The following PEAK1 variants were observed in gnomAD, a reference collection of about 807,000 sequenced individuals.
PEAK1 encodes pseudopodium enriched atypical kinase 1.
PEAK1 carries 54 observed loss-of-function variants against 124.7 expected under a neutral mutation model. That is an observed-to-expected ratio of 0.43 (90% CI 0.35 to 0.54). The LOEUF is 0.54. Among genes scored for constraint, PEAK1 ranks in the 20% least tolerant of loss-of-function variants. The pLI, the probability that PEAK1 is intolerant of heterozygous loss-of-function variation, is 0.01. For synonymous variants in PEAK1, 719 were observed against 760.0 expected (o/e 0.95, Z 0.89); for missense variants, 2,046 against 2,134.5 (o/e 0.96, Z 0.82).
intron 5 of PEAK1, among the ~76,000 whole-genome samples, chr15:77,272,490 C>T (rs2203387): frequency 1 from 152,213 of 152,298 alleles, 76,064 homozygotes; most frequent in Middle Eastern, 1. Flanking sequence ...CACCTCTATG[C>T]GCATGAACTA....
At chr15:77,271,484 T>C (rs971608885) in intron 5 of PEAK1, among the ~76,000 whole-genome samples, 7 of 152,188 alleles carry the variant, frequency 4.6e-5, no homozygotes, top group Non-Finnish European at 1.0e-4. Flanking sequence ...TGCATATGTA[T>C]GCTTATTGTG....
intron 2 of PEAK1, among the ~76,000 whole-genome samples, chr15:77,316,175 GT>G (rs1319904430): frequency 6.6e-6 from 1 of 151,940 alleles, no homozygotes; most frequent in East Asian, 1.9e-4. Context: ...TATCAGTTTT[GT>G]TTTTCTTTAC....
At chr15:77,397,674 G>C (rs1310539103) in intron 1 of PEAK1, among the ~76,000 whole-genome samples, 2 of 152,072 alleles carry the variant, frequency 1.3e-5, no homozygotes, top group Non-Finnish European at 2.9e-5. Flanking sequence ...TCAATAAATT[G>C]GAAAACCTAG....
At chr15:77,160,369 A>C (rs905023866) in intron 7 of PEAK1, among the ~76,000 whole-genome samples, 2 of 152,196 alleles carry the variant, frequency 1.3e-5, no homozygotes, top group African/African-American at 4.8e-5. Context: ...CAATAAATAT[A>C]AAGTCCCTTA....
Position 77,408,062 on chromosome 15 carries a change from T to A in PEAK1, c.-666+11944A>T, listed in dbSNP as rs1361884745. On this transcript the variant is annotated intron_variant, in intron 1 of 9. Coordinates refer to ENST00000682557, the MANE Select transcript of PEAK1 (RefSeq NM_001385026.1). ...ACATATATACACATACATGCATAGA[T>A]ACACATATATACATATATACACATA... Among the ~76,000 whole-genome samples, 4 of 127,514 alleles carry A rather than the reference T, an allele frequency of 3.1e-5. No individual in the cohort carries two copies. In the South Asian group the frequency reaches 9.3e-4, roughly 30 times the overall value. 83.7% of individuals were successfully genotyped at this position (127,514 alleles called of 152,430 possible). A position where few individuals can be genotyped will look rare whatever the true frequency, so the allele number is the denominator to read the frequency against.
rs1299248880 is a variant in PEAK1 at position 77,109,363 on chromosome 15, T to TA, written c.*4792dup. On this transcript the variant is annotated 3_prime_UTR_variant, in exon 10 of 10. Transcript: ENST00000682557. ...CTAATATACAAAATGGACTTCTTTTTAAAAAGGTGCTTTTCTGAGGATGGA... is the reference window on the plus strand; with the variant it reads ...CTAATATACAAAATGGACTTCTTTTTAAAAAAGGTGCTTTTCTGAGGATGGA... The TA allele has an allele frequency of 1.3e-5, 2 of 152,214 alleles. No individual in the cohort carries two copies. Among genetic ancestry groups the TA allele is most frequent in the African/African-American group, 2.4e-5 (1 of 41,442 alleles). The allele number at this position is 152,214 out of a possible 1,614,324, so 9.4% of individuals were successfully genotyped here.
chr15:77,252,084 G>C (rs1046659303), intron 6 of PEAK1, among the ~76,000 whole-genome samples: 1 of 152,198 alleles, frequency 6.6e-6, no homozygotes, highest in Non-Finnish European at 1.5e-5. Flanking sequence ...CTCTGCTTTA[G>C]GGCTCACCTG....
intron 6 of PEAK1, among the ~76,000 whole-genome samples, chr15:77,223,870 T>C (rs984602955): frequency 1.3e-5 from 2 of 148,908 alleles, no homozygotes; most frequent in Non-Finnish European, 3.0e-5. Context: ...AGGAAACCAA[T>C]AGCCTCATTT....
At chr15:77,256,985 T>C (rs1412125630) in intron 5 of PEAK1, among the ~76,000 whole-genome samples, 1 of 151,966 alleles carries the variant, frequency 6.6e-6, no homozygotes, top group Non-Finnish European at 1.5e-5. Flanking sequence ...TGTTTGGTTT[T>C]TTGTCCTTGC....
chr15:77,313,096 T>G (rs1056869200), intron 2 of PEAK1, among the ~76,000 whole-genome samples: 1 of 152,210 alleles, frequency 6.6e-6, no homozygotes, highest in Non-Finnish European at 1.5e-5. Context: ...AAAATTGCTA[T>G]TTCTAGGGCT....
intron 6 of PEAK1, among the ~76,000 whole-genome samples, chr15:77,205,970 T>TC (rs1276760234): frequency 1.9e-5 from 2 of 105,606 alleles, no homozygotes; most frequent in East Asian, 3.2e-4. Flanking sequence ...ATGCTATCCC[T>TC]CCCCCCTCCC....
At chr15:77,182,456 G>A (rs1177035644) in intron 6 of PEAK1, among the ~76,000 whole-genome samples, 1 of 151,936 alleles carries the variant, frequency 6.6e-6, no homozygotes, top group Non-Finnish European at 1.5e-5. Flanking sequence ...CATTGAAAAT[G>A]AAGCTTCGGG....
chr15:77,264,968 A>G (rs567300498), intron 5 of PEAK1, among the ~76,000 whole-genome samples: 12 of 152,240 alleles, frequency 7.9e-5, no homozygotes, highest in Admixed American at 1.3e-4. Flanking sequence ...GCAACTATCT[A>G]ATCTTTGACA....
chr15:77,211,588 C>T (rs762167693), intron 6 of PEAK1, among the ~76,000 whole-genome samples: 5 of 151,996 alleles, frequency 3.3e-5, no homozygotes, highest in Admixed American at 6.5e-5. Flanking sequence ...GCAGTTCACG[C>T]CTGTAATCCC....
intron 1 of PEAK1, among the ~76,000 whole-genome samples, chr15:77,372,918 A>AT (rs1388843306): frequency 6.6e-6 from 1 of 152,166 alleles, no homozygotes; most frequent in Admixed American, 6.5e-5. Context: ...CGCCATGATT[A>AT]TAAGTTTCCT....
At chr15:77,235,714 C>T (rs2060090187) in intron 6 of PEAK1, among the ~76,000 whole-genome samples, 2 of 152,196 alleles carry the variant, frequency 1.3e-5, no homozygotes, top group South Asian at 2.1e-4. Context: ...CTCCAGGGCA[C>T]GTCAGACCTT....
chr15:77,293,073 C>G (rs537769094), intron 2 of PEAK1, among the ~76,000 whole-genome samples: 1 of 152,304 alleles, frequency 6.6e-6, no homozygotes, highest in African/African-American at 2.4e-5. Context: ...CATTCTATGA[C>G]TATCTCCCTT....
chr15:77,313,702 A>ATATATATATATATG (rs1213561861), intron 2 of PEAK1, among the ~76,000 whole-genome samples: 5 of 119,428 alleles, frequency 4.2e-5, no homozygotes, highest in African/African-American at 1.8e-4. Flanking sequence ...GTATATATAT[A>ATATATATATATATG]TATGTATGTG....
intron 1 of PEAK1, among the ~76,000 whole-genome samples, chr15:77,397,969 G>A (rs544250743): frequency 1.7e-4 from 26 of 152,306 alleles, no homozygotes; most frequent in East Asian, 9.6e-4. Context: ...GGAGGCTGAC[G>A]CAGGAGAATC....
Sources: allele counts gnomAD v4.1 joint callset (sites outside exome capture counted in the v4.1 genomes callset), GRCh38; gene constraint gnomAD v4.1.1; transcripts MANE v1.5; gene names NCBI Gene and HGNC (gene_info 2026-07-23, HGNC 2026-07-21).